Variants in TSHZ2 observed in about 807,000 individuals in gnomAD.
TSHZ2 encodes the protein teashirt homolog 2.
A neutral mutation model predicts 74.4 loss-of-function variants in TSHZ2; 21 were observed. That is an observed-to-expected ratio of 0.28 (90% CI 0.20 to 0.41). TSHZ2 has a LOEUF of 0.41. TSHZ2 is among the 10% of genes least tolerant of loss of function. The pLI, the probability that TSHZ2 is intolerant of heterozygous loss-of-function variation, is 1.00. For missense variants in TSHZ2, 1,244 were observed against 1,293.5 expected (o/e 0.96, Z 0.59); for synonymous variants, 540 against 515.3 (o/e 1.05, Z -0.65).
At chr20:53,415,032 G>A (rs1264350528) in intron 2 of TSHZ2, among the ~76,000 whole-genome samples, 2 of 152,108 alleles carry the variant, frequency 1.3e-5, no homozygotes, top group South Asian at 2.1e-4. Flanking sequence ...TATTATACAC[G>A]GTGGCTGATT....
intron 2 of TSHZ2, among the ~76,000 whole-genome samples, chr20:53,484,574 C>T (rs917200771): frequency 4.0e-5 from 6 of 151,702 alleles, no homozygotes; most frequent in Non-Finnish European, 8.8e-5. Flanking sequence ...TTAGTAGAGA[C>T]AGAGTTTCGC....
At chr20:53,471,224 T>C (rs1356921350) in intron 2 of TSHZ2, among the ~76,000 whole-genome samples, 1 of 152,216 alleles carries the variant, frequency 6.6e-6, no homozygotes, top group East Asian at 1.9e-4. Context: ...TATTTTTTTT[T>C]CTTTTGTATT....
At chr20:53,095,116 A>G (rs1179841488) in intron 1 of TSHZ2, among the ~76,000 whole-genome samples, 1 of 152,222 alleles carries the variant, frequency 6.6e-6, no homozygotes, top group Non-Finnish European at 1.5e-5. Context: ...GTCTAGGACA[A>G]GCTGGCTTCA....
At chr20:53,340,659 A>G (rs1600819127) in intron 2 of TSHZ2, among the ~76,000 whole-genome samples, 1 of 152,208 alleles carries the variant, frequency 6.6e-6, no homozygotes, top group Non-Finnish European at 1.5e-5. Flanking sequence ...TAGCCTTCAC[A>G]GTTTCACTTA....
intron 1 of TSHZ2, among the ~76,000 whole-genome samples, chr20:53,174,528 T>A (rs1988278382): frequency 6.6e-6 from 1 of 152,220 alleles, no homozygotes; most frequent in South Asian, 2.1e-4. Flanking sequence ...TTCTGCTAAC[T>A]GTGTGCCTTG....
chr20:53,381,137 G>A (rs1271264655), intron 2 of TSHZ2, among the ~76,000 whole-genome samples: 1 of 152,178 alleles, frequency 6.6e-6, no homozygotes, highest in Non-Finnish European at 1.5e-5. Context: ...AATTAAATAA[G>A]AGAATGTATA....
At chr20:53,380,471 C>A (rs1481598918) in intron 2 of TSHZ2, among the ~76,000 whole-genome samples, 1 of 152,076 alleles carries the variant, frequency 6.6e-6, no homozygotes, top group African/African-American at 2.4e-5. Flanking sequence ...TCAAACATGG[C>A]AAAATTTGTA....
chr20:53,229,603 C>A (rs552774553), intron 1 of TSHZ2, among the ~76,000 whole-genome samples: 1 of 152,126 alleles, frequency 6.6e-6, no homozygotes, highest in African/African-American at 2.4e-5. Context: ...CTCAGCTTTT[C>A]GAACTAAATA....
At chr20:53,267,889 T>G (rs1990751853) in intron 2 of TSHZ2, among the ~76,000 whole-genome samples, 1 of 152,336 alleles carries the variant, frequency 6.6e-6, no homozygotes, top group Non-Finnish European at 1.5e-5. Flanking sequence ...CCCCCTGTGC[T>G]GCTGAGAAAA....
chr20:53,270,797 GA>G (rs1243764673), intron 2 of TSHZ2, among the ~76,000 whole-genome samples: 1 of 151,936 alleles, frequency 6.6e-6, no homozygotes. Flanking sequence ...TATCGATGGA[GA>G]AAAAAATGAT....
chr20:53,353,923 G>A (rs551004569), intron 2 of TSHZ2, among the ~76,000 whole-genome samples: 4 of 152,164 alleles, frequency 2.6e-5, no homozygotes, highest in Non-Finnish European at 4.4e-5. Context: ...GGACTGAGGG[G>A]CTTCCTGGCA....
chr20:53,266,304 ATCT>A (rs1990715688), intron 2 of TSHZ2, among the ~76,000 whole-genome samples: 1 of 152,096 alleles, frequency 6.6e-6, no homozygotes, highest in Non-Finnish European at 1.5e-5. Context: ...AGAAAAGGAA[ATCT>A]TCTGGAAACA....
chr20:52,982,096 T>A (rs1413815854), intron 1 of TSHZ2, among the ~76,000 whole-genome samples: 1 of 152,190 alleles, frequency 6.6e-6, no homozygotes, highest in Non-Finnish European at 1.5e-5. Flanking sequence ...ACAACAGAGA[T>A]GTAGATGGTC....
chr20:53,009,198 C>A (rs1380160843), intron 1 of TSHZ2, among the ~76,000 whole-genome samples: 1 of 151,984 alleles, frequency 6.6e-6, no homozygotes, highest in East Asian at 1.9e-4. Context: ...ATTAGCTGGG[C>A]ATGGTGGCAT....
chr20:53,484,184 T>C (rs190639074), intron 2 of TSHZ2, among the ~76,000 whole-genome samples: 2 of 152,236 alleles, frequency 1.3e-5, no homozygotes, highest in Admixed American at 6.5e-5. Flanking sequence ...GGACCCTTTT[T>C]CTCTCAAGTG....
chr20:53,472,405 G>A (rs978391354), intron 2 of TSHZ2, among the ~76,000 whole-genome samples: 2 of 152,184 alleles, frequency 1.3e-5, no homozygotes, highest in African/African-American at 4.8e-5. Flanking sequence ...CTGGCTGAAA[G>A]TTGAGTCATA....
In TSHZ2 at chr20:53,008,980, CCTCTCTCTCTCT is replaced by C. The variant is rs55692015; in HGVS notation, c.40+35687_40+35698del. 6.1e-3 allele frequency among the ~76,000 whole-genome samples: 792 copies of C among 130,486 alleles called. 3 individuals carry two copies. The highest frequency in any genetic ancestry group is 0.026 in the East Asian group (103 of 4,036). 85.6% of individuals were successfully genotyped at this position (130,486 alleles called of 152,430 possible). A position where few individuals can be genotyped will look rare whatever the true frequency, so the allele number is the denominator to read the frequency against. ...GAAGTTATTTGAATGTTGTCTTTCTCCTCTCTCTCTCTCTCTCTCTCTCTCTCTCTCTCTCTC... is the reference window on the plus strand; with the variant it reads ...GAAGTTATTTGAATGTTGTCTTTCTCCTCTCTCTCTCTCTCTCTCTCTCTC... On this transcript the variant is annotated intron_variant, in intron 1 of 2. Coordinates refer to ENST00000371497, the MANE Select transcript of TSHZ2 (RefSeq NM_173485.6).
chr20:53,236,125 C>G (rs575527251), intron 1 of TSHZ2, among the ~76,000 whole-genome samples: 1 of 152,194 alleles, frequency 6.6e-6, no homozygotes, highest in Admixed American at 6.5e-5. Flanking sequence ...GCCTCAGAAG[C>G]CTGACTGTCA....
chr20:53,469,297 ACT>A (rs1304070971), intron 2 of TSHZ2, among the ~76,000 whole-genome samples: 1 of 151,588 alleles, frequency 6.6e-6, no homozygotes, highest in African/African-American at 2.4e-5. Flanking sequence ...TAATCCCCAC[ACT>A]CTGGGAGGCT....
Sources: allele counts gnomAD v4.1 joint callset (sites outside exome capture counted in the v4.1 genomes callset), GRCh38; gene constraint gnomAD v4.1.1; transcripts MANE v1.5; gene names NCBI Gene and HGNC (gene_info 2026-07-23, HGNC 2026-07-21).